The following PARG variants were observed in gnomAD, a reference collection of about 807,000 sequenced individuals.
The protein encoded by PARG is mitochondrial poly(ADP-ribose) glycohydrolase.
Under a neutral mutation model 113.0 loss-of-function variants are expected in PARG, and 35 were observed. The observed-to-expected ratio is 0.31, with a 90% CI of 0.24 to 0.41. The LOEUF (loss-of-function observed/expected upper bound fraction) is 0.41, where lower values mean the gene tolerates loss of function less well. Ranked by LOEUF, PARG falls within the 10% of genes least tolerant of loss-of-function variation. PARG has a pLI of 1.00. For missense variants in PARG, 797 were observed against 1,169.4 expected, an observed-to-expected ratio of 0.68 and a Z score of 4.64; for synonymous variants, 330 against 409.9, an observed-to-expected ratio of 0.81 and a Z score of 2.36.
chr10:49,896,592 A>G (rs1401965058), intron 7 of PARG, among the ~76,000 whole-genome samples: 3 of 152,146 alleles, frequency 2.0e-5, no homozygotes, highest in Non-Finnish European at 4.4e-5. Flanking sequence ...GCCTGCTAAC[A>G]GTTTTTCACT....
At chr10:49,853,539 C>T (rs1218845177) in intron 13 of PARG, among the ~76,000 whole-genome samples, 2 of 152,098 alleles carry the variant, frequency 1.3e-5, no homozygotes, top group African/African-American at 2.4e-5. Context: ...TATATACTTC[C>T]CACGTGCATC....
chr10:49,839,540 G>C (rs1554831831), intron 15 of PARG, among the ~76,000 whole-genome samples: 2 of 152,102 alleles, frequency 1.3e-5, no homozygotes, highest in Admixed American at 6.5e-5. Flanking sequence ...CTTCCATGTT[G>C]CCAATATTTA....
intron 4 of PARG, among the ~76,000 whole-genome samples, chr10:49,929,425 A>G (rs1838376818): frequency 1.3e-5 from 2 of 152,072 alleles, no homozygotes; most frequent in Admixed American, 1.3e-4. Flanking sequence ...TTTTATCCCC[A>G]TGATTATTAT....
chr10:49,842,530 T>C (rs1554832578), intron 14 of PARG, among the ~76,000 whole-genome samples: 1 of 152,226 alleles, frequency 6.6e-6, no homozygotes, highest in African/African-American at 2.4e-5. Context: ...TACAAAAATG[T>C]GAAATAATTC....
intron 1 of PARG, among the ~76,000 whole-genome samples, chr10:49,939,577 G>A (rs1838918880): frequency 6.6e-6 from 1 of 152,216 alleles, no homozygotes; most frequent in Admixed American, 6.5e-5. Flanking sequence ...GTATTCCCAC[G>A]CTTAAAAGCT....
chr10:49,850,527 CAACCT>C (rs1845713813), intron 13 of PARG, among the ~76,000 whole-genome samples: 1 of 152,152 alleles, frequency 6.6e-6, no homozygotes, highest in Non-Finnish European at 1.5e-5. Context: ...GGGTGAAAAG[CAACCT>C]GGTCTACTTG....
chr10:49,902,375 G>A (rs1157348429), intron 7 of PARG, among the ~76,000 whole-genome samples: 4 of 152,180 alleles, frequency 2.6e-5, no homozygotes, highest in South Asian at 4.1e-4. Flanking sequence ...GATGTGGTAC[G>A]TAGCTATATC....
rs183088153 is a variant in PARG, at chr10:49,888,630, T to C, written c.1738-3335A>G. ...GTATAGGCATTGTGTCATTTCTCTC[T>C]TGATGCTTTCAAGATTTTTTCTTTG... is the stretch of plus-strand genomic sequence containing the variant. On this transcript the variant is annotated intron_variant, in intron 7 of 17. Coordinates refer to ENST00000616448, the MANE Select transcript of PARG (RefSeq NM_003631.5). Among the ~76,000 whole-genome samples the C allele has an allele frequency of 2.6e-5, 4 of 152,360 alleles. No individual in the cohort carries two copies. The East Asian group carries it at 5.8e-4, about 22-fold the overall frequency.
intron 1 of PARG, among the ~76,000 whole-genome samples, chr10:49,935,490 A>G (rs1334064360): frequency 1.3e-5 from 2 of 152,240 alleles, no homozygotes; most frequent in African/African-American, 4.8e-5. Flanking sequence ...AACATGCAAA[A>G]TAACTATCTC....
At chr10:49,894,611 A>C (rs1471134318) in intron 7 of PARG, among the ~76,000 whole-genome samples, 10 of 152,096 alleles carry the variant, frequency 6.6e-5, no homozygotes, top group African/African-American at 2.4e-5. Flanking sequence ...TTTCGCCAAC[A>C]CCATTTGTTG....
chr10:49,901,257 C>A (rs1554843728), intron 7 of PARG, among the ~76,000 whole-genome samples: 1 of 151,370 alleles, frequency 6.6e-6, no homozygotes, highest in East Asian at 1.9e-4. Flanking sequence ...ACTACAGATG[C>A]ATGCTACCAC....
chr10:49,865,608 A>T (rs1846469464), intron 10 of PARG, among the ~76,000 whole-genome samples: 1 of 146,514 alleles, frequency 6.8e-6, no homozygotes, highest in Non-Finnish European at 1.5e-5. Flanking sequence ...CTTCTATAAA[A>T]TAATAAGACT....
Position 49,818,812 on chromosome 10 carries a change from C to T in PARG, c.*528G>A, listed in dbSNP as rs1843920652. 1 of 152,212 alleles carries T rather than the reference C, an allele frequency of 6.6e-6. No homozygotes were observed. The allele number at this position is 152,212 out of a possible 1,614,324, so 9.4% of individuals were successfully genotyped here. Reference sequence around the variant, plus strand: ...TTTAACCTAGGAGGTTTGCATTATGCAACACATATGAAAAAAACCCTAATT... The same window carrying T: ...TTTAACCTAGGAGGTTTGCATTATGTAACACATATGAAAAAAACCCTAATT... On this transcript the variant is annotated 3_prime_UTR_variant, in exon 18 of 18. Transcript: ENST00000616448.
At chr10:49,847,480 C>G (rs1310656877) in intron 13 of PARG, among the ~76,000 whole-genome samples, 16 of 152,054 alleles carry the variant, frequency 1.1e-4, no homozygotes, top group Non-Finnish European at 1.9e-4. Flanking sequence ...AAATGAATAA[C>G]CCGAACCTAA....
chr10:49,920,463 A>AAAATATATAT (rs1431747248), intron 6 of PARG, among the ~76,000 whole-genome samples: 1 of 47,986 alleles, frequency 2.1e-5, no homozygotes, highest in African/African-American at 5.0e-5. Context: ...AAAAAAAAAA[A>AAAATATATAT]ATATATATAT....
chr10:49,863,076 AAGCATTTTCTAACTTCCC>A (rs1356203092), intron 11 of PARG, among the ~76,000 whole-genome samples: 3 of 151,736 alleles, frequency 2.0e-5, no homozygotes, highest in Non-Finnish European at 4.4e-5. Context: ...TTTTGTTTTG[AAGCATTTTCTAACTTCCC>A]AGTAGGTCAT....
chr10:49,865,749 G>A (rs1846482020), intron 10 of PARG, among the ~76,000 whole-genome samples: 1 of 149,786 alleles, frequency 6.7e-6, no homozygotes, highest in Middle Eastern at 3.2e-3. Context: ...TGTATAACTG[G>A]TACAGCTAAT....
intron 7 of PARG, among the ~76,000 whole-genome samples, chr10:49,886,859 C>T (rs1403325612): frequency 6.6e-6 from 1 of 152,042 alleles, no homozygotes; most frequent in African/African-American, 2.4e-5. Flanking sequence ...TTATAATCTG[C>T]CTCTTTAACT....
chr10:49,879,199 A>C (rs1273415623), intron 9 of PARG, among the ~76,000 whole-genome samples: 1 of 152,196 alleles, frequency 6.6e-6, no homozygotes, highest in African/African-American at 2.4e-5. Flanking sequence ...TCATCAAAAC[A>C]ATTACATTTT....
Sources: gnomAD v4.1 joint callset for allele counts (sites outside exome capture counted in the v4.1 genomes callset) on GRCh38, gnomAD v4.1.1 for gene constraint, MANE v1.5 for transcripts, NCBI Gene and HGNC (gene_info 2026-07-23, HGNC 2026-07-21) for gene names.